The following SLC22A16 variants were observed in gnomAD, a reference collection of about 807,000 sequenced individuals.
The protein encoded by SLC22A16 is solute carrier family 22 member 16, also known as WUGSC:RG331P03.1.
A neutral mutation model predicts 52.9 loss-of-function variants in SLC22A16; 53 were observed. That is an observed-to-expected ratio of 1.00 (90% confidence interval 0.80 to 1.26). SLC22A16 has a LOEUF of 1.26. Among genes scored for constraint, SLC22A16 ranks in the 50% most tolerant of loss-of-function variants. The probability of loss-of-function intolerance (pLI) is 0.00; values close to 1 mark genes in which losing one functional copy is unlikely to be tolerated. For synonymous variants in SLC22A16, 291 were observed against 268.8 expected, an observed-to-expected ratio of 1.08 and a Z score of -0.81; for missense variants, 726 against 704.0, an observed-to-expected ratio of 1.03 and a Z score of -0.35.
chr6:110,476,494 G>A (rs768591915), intron 1 of SLC22A16, 28 bp downstream of exon 1: 2 of 472,158 alleles, frequency 4.2e-6, no homozygotes, highest in South Asian at 4.5e-5. Context: ...CGCCTCCCGC[G>A]TGGCGCCGCG....
At chr6:110,466,309 G>C (rs998223107) in intron 1 of SLC22A16, among the ~76,000 whole-genome samples, 1 of 152,058 alleles carries the variant, frequency 6.6e-6, no homozygotes, top group East Asian at 1.9e-4. Context: ...CAACTAAAAA[G>C]CTTCTGCACA....
chr6:110,470,547 G>T (rs1208218237), intron 1 of SLC22A16, among the ~76,000 whole-genome samples: 1 of 152,004 alleles, frequency 6.6e-6, no homozygotes, highest in Non-Finnish European at 1.5e-5. Flanking sequence ...GATCCTACCA[G>T]CTTCTTCAGT....
intron 1 of SLC22A16, 153 bp downstream of exon 1, chr6:110,476,369 C>T (rs1776478498): frequency 8.1e-6 from 11 of 1,361,470 alleles, no homozygotes; most frequent in South Asian, 1.8e-5. Context: ...TAGGGGCCGG[C>T]GTCTGGACGC....
At chr6:110,442,844 T>C (rs1775032302) in intron 3 of SLC22A16, 69 bp from the exon 4 acceptor site, 1 of 1,420,672 alleles carries the variant, frequency 7.0e-7, no homozygotes, top group Non-Finnish European at 9.6e-7. Context: ...CTGACCCCAT[T>C]GCAAATCACA....
chr6:110,443,547 C>A (rs907724060), intron 3 of SLC22A16, among the ~76,000 whole-genome samples: 5 of 151,866 alleles, frequency 3.3e-5, no homozygotes, highest in African/African-American at 1.2e-4. Context: ...CAAGTTTTGG[C>A]GGGAATGTAG....
chr6:110,451,716 C>T (rs1331681075), intron 2 of SLC22A16, among the ~76,000 whole-genome samples: 2 of 152,134 alleles, frequency 1.3e-5, no homozygotes, highest in Non-Finnish European at 2.9e-5. Flanking sequence ...TGCACACATT[C>T]ATGTCTTTCC....
chr6:110,429,580 A>G (rs1020102554), intron 7 of SLC22A16, among the ~76,000 whole-genome samples: 10 of 152,210 alleles, frequency 6.6e-5, no homozygotes, highest in Non-Finnish European at 1.5e-4. Context: ...ATAGCAGGTG[A>G]ATGACAGCAT....
intron 1 of SLC22A16, among the ~76,000 whole-genome samples, chr6:110,457,692 G>A (rs959208392): frequency 6.6e-5 from 10 of 152,174 alleles, no homozygotes; most frequent in African/African-American, 2.2e-4. Flanking sequence ...GACAGGAGCT[G>A]AAGGGACATG....
chr6:110,431,304 G>C (rs778080479), intron 6 of SLC22A16, 34 bp from the exon 7 acceptor site: 2 of 1,582,648 alleles, frequency 1.3e-6, no homozygotes, highest in Non-Finnish European at 1.7e-6. Flanking sequence ...AGACAAGTAA[G>C]GCACAAGTGA....
intron 1 of SLC22A16, among the ~76,000 whole-genome samples, chr6:110,461,350 AG>A (rs1775875681): frequency 6.6e-6 from 1 of 152,184 alleles, no homozygotes; most frequent in African/African-American, 2.4e-5. Context: ...GTGCTGTGAA[AG>A]GGGCATGATA....
intron 1 of SLC22A16, among the ~76,000 whole-genome samples, chr6:110,462,670 A>T (rs1211072732): frequency 6.6e-6 from 1 of 152,174 alleles, no homozygotes; most frequent in Admixed American, 6.5e-5. Context: ...TAATCCTGAG[A>T]GAGAAGAAGA....
Position 110,424,852 on chromosome 6 carries a change from T to C in SLC22A16, c.*21A>G. On this transcript the variant is annotated 3_prime_UTR_variant, in exon 8 of 8. Transcript: ENST00000368919. ...TTAGGGTAAATAATATTTCAGGTGCTAGACAGCAGGCATGGCACATTTATT... is the reference window on the plus strand; with the variant it reads ...TTAGGGTAAATAATATTTCAGGTGCCAGACAGCAGGCATGGCACATTTATT... 1.2e-6 allele frequency: 2 copies of C among 1,613,982 alleles called. No individual in the cohort carries two copies. Among genetic ancestry groups the C allele is most frequent in the Non-Finnish European group, 1.7e-6 (2 of 1,179,910 alleles).
intron 7 of SLC22A16, among the ~76,000 whole-genome samples, chr6:110,427,265 GA>G (rs1221374329): frequency 4.3e-5 from 5 of 116,826 alleles, no homozygotes; most frequent in Non-Finnish European, 8.7e-5. Flanking sequence ...AAAAAAAAAA[GA>G]AAAAAAAGAA....
At chr6:110,458,692 C>T (rs1775758866) in intron 1 of SLC22A16, among the ~76,000 whole-genome samples, 1 of 152,088 alleles carries the variant, frequency 6.6e-6, no homozygotes, top group South Asian at 2.1e-4. Context: ...TAGAGATCAC[C>T]CTCACCAGTT....
At position 110,442,348 on chromosome 6, in the gene SLC22A16, A is replaced by T; in HGVS notation, c.1079T>A (p.Leu360His). Residue 360 changes from leucine to histidine, a missense_variant, in exon 4 of 8, where the codon CTT becomes CAT. By Grantham distance (99) the Leu-to-His change is moderately conservative (BLOSUM62 -3). Transcript: ENST00000368919. The part of the protein sequence containing the change: ...FYNWSITKRT[L>H]TVWLIWFTGS... Reference sequence around the variant, plus strand: ...AGTGAACCAGATTAGCCAAACGGTAAGTGTCCTTTTCGTAATGCTCCAGTT... The same window carrying T: ...AGTGAACCAGATTAGCCAAACGGTATGTGTCCTTTTCGTAATGCTCCAGTT... The T allele has an allele frequency of 6.2e-7, 1 of 1,614,194 alleles. No homozygotes were observed. The highest frequency in any genetic ancestry group is 8.5e-7 in the Non-Finnish European group (1 of 1,180,030).
At chr6:110,473,553 C>A (rs2114326866) in intron 1 of SLC22A16, among the ~76,000 whole-genome samples, 1 of 102,916 alleles carries the variant, frequency 9.7e-6, no homozygotes, top group African/African-American at 4.0e-5. Context: ...GAGACGGAAT[C>A]TCGTTCTGTC....
chr6:110,425,462 C>G, intron 7 of SLC22A16: 2 of 1,278,296 alleles, frequency 1.6e-6, no homozygotes, highest in Non-Finnish European at 2.1e-6. Context: ...TAACTGAGCC[C>G]TGGGTCAGGA....
In SLC22A16 at chr6:110,467,589, G is replaced by T. The variant is rs1233042013; in HGVS notation, c.53+8933C>A. ...GAATACCTTGGGCTGAAAATGAACA[G>T]TGCTGAAATTGACTCATACTCAGTA... On this transcript the variant is annotated intron_variant, in intron 1 of 7. Coordinates refer to ENST00000368919, the MANE Select transcript of SLC22A16 (RefSeq NM_033125.4). Among the ~76,000 whole-genome samples, 5 of 152,286 alleles carry T rather than the reference G, an allele frequency of 3.3e-5. No individual in the cohort carries two copies. In the East Asian group the frequency reaches 9.7e-4, roughly 29 times the overall value.
chr6:110,428,722 C>T (rs1156306524), intron 7 of SLC22A16, among the ~76,000 whole-genome samples: 7 of 152,222 alleles, frequency 4.6e-5, no homozygotes, highest in African/African-American at 1.7e-4. Context: ...TCGAGACCAG[C>T]TTGGCCAACA....
Sources: allele counts gnomAD v4.1 joint callset (sites outside exome capture counted in the v4.1 genomes callset), GRCh38; gene constraint gnomAD v4.1.1; transcripts MANE v1.5; gene names NCBI Gene and HGNC (gene_info 2026-07-23, HGNC 2026-07-21).